The following IFT43 variants were observed in gnomAD, a reference collection of about 807,000 sequenced individuals.
The protein encoded by IFT43 is intraflagellar transport 43, also known as intraflagellar transport protein 43 homolog.
A neutral mutation model predicts 32.3 loss-of-function variants in IFT43; 33 were observed. The observed-to-expected ratio is 1.02, with a 90% CI of 0.77 to 1.37. The LOEUF is 1.37. IFT43 is among the 40% of genes most tolerant of loss of function. IFT43 has a pLI of 0.00. For missense variants in IFT43, 274 were observed against 265.9 expected (o/e 1.03, Z -0.21); for synonymous variants, 93 against 98.2 (o/e 0.95, Z 0.31).
At chr14:76,015,130 A>G (rs147667469) in intron 2 of IFT43, among the ~76,000 whole-genome samples, 50 of 152,174 alleles carry the variant, frequency 3.3e-4, no homozygotes, top group African/African-American at 1.2e-3. Flanking sequence ...GGAAGAGCAT[A>G]TAACTTGGTA....
chr14:75,996,327 A>G (rs2035746977), intron 2 of IFT43, among the ~76,000 whole-genome samples: 1 of 152,210 alleles, frequency 6.6e-6, no homozygotes, highest in African/African-American at 2.4e-5. Flanking sequence ...ACTGTAAGCC[A>G]GTTTCCTCAT....
At chr14:76,049,755 T>A (rs1380579158) in intron 3 of IFT43, among the ~76,000 whole-genome samples, 3 of 151,828 alleles carry the variant, frequency 2.0e-5, no homozygotes, top group African/African-American at 7.3e-5. Flanking sequence ...CTGTGCTGCT[T>A]TTGTACTGCA....
In IFT43 at chr14:75,985,786, G is replaced by C; in HGVS notation, c.-1G>C. 1 of 1,614,232 alleles carries C rather than the reference G, an allele frequency of 6.2e-7. No individual in the cohort carries two copies. ...GGAAGTGACGTCAGGCGGCCGCGGA[G>C]ATGGAGGATTTGCTCGACTTGGACG... On this transcript the variant is annotated 5_prime_UTR_variant, in exon 1 of 9. Coordinates refer to ENST00000314067, the MANE Select transcript of IFT43 (RefSeq NM_001102564.3).
chr14:76,076,737 T>C, intron 5 of IFT43: 1 of 1,610,158 alleles, frequency 6.2e-7, no homozygotes, highest in Non-Finnish European at 8.5e-7. Flanking sequence ...AGGATCCTTC[T>C]GGGACTTTGC....
chr14:76,083,421 CT>C, intron 8 of IFT43, 36 bp from the exon 9 acceptor site: 1 of 1,614,064 alleles, frequency 6.2e-7, no homozygotes, highest in Non-Finnish European at 8.5e-7. Flanking sequence ...GGGAAAAGGC[CT>C]TTCTTTGTCT....
At chr14:76,010,563 T>G (rs2036064276) in intron 2 of IFT43, among the ~76,000 whole-genome samples, 2 of 152,038 alleles carry the variant, frequency 1.3e-5, no homozygotes, top group Non-Finnish European at 2.9e-5. Context: ...TTGCTTAAAT[T>G]ATAATTTATA....
intron 3 of IFT43, among the ~76,000 whole-genome samples, chr14:76,026,072 G>A (rs754033177): frequency 6.6e-6 from 1 of 152,042 alleles, no homozygotes; most frequent in Non-Finnish European, 1.5e-5. Flanking sequence ...GTAGTATCTA[G>A]CATCTATAAA....
chr14:76,027,336 C>T (rs553346144), intron 3 of IFT43, among the ~76,000 whole-genome samples: 751 of 47,686 alleles, frequency 0.016, 2 homozygotes, highest in Non-Finnish European at 0.03. Context: ...CCCCAACACC[C>T]CCCACACACA....
At chr14:76,066,609 G>A (rs1419695298) in intron 5 of IFT43, among the ~76,000 whole-genome samples, 2 of 152,186 alleles carry the variant, frequency 1.3e-5, no homozygotes, top group African/African-American at 2.4e-5. Context: ...GGGGAAACTC[G>A]GGAATGATTT....
chr14:76,054,513 T>G (rs2036973635), intron 3 of IFT43, among the ~76,000 whole-genome samples: 1 of 152,252 alleles, frequency 6.6e-6, no homozygotes, highest in African/African-American at 2.4e-5. Context: ...AGCCCACAGC[T>G]GCAGTGCCCA....
chr14:76,030,487 T>C lies in IFT43; in HGVS notation c.215+8093T>C, dbSNP rs947650944. On this transcript the variant is annotated intron_variant, in intron 3 of 8. Transcript: ENST00000314067. Reference sequence around the variant, plus strand: ...TAGAATTCACGGTCTATATACACACTGCCCATTGCTATTGGATATCTTTGC... The same window carrying C: ...TAGAATTCACGGTCTATATACACACCGCCCATTGCTATTGGATATCTTTGC... 8.5e-5 allele frequency among the ~76,000 whole-genome samples: 13 copies of C among 152,338 alleles called. 1 individual carries two copies. In the Middle Eastern group the frequency reaches 0.014, roughly 159 times the overall value.
chr14:76,043,263 G>A (rs1242117063), intron 3 of IFT43, among the ~76,000 whole-genome samples: 4 of 152,220 alleles, frequency 2.6e-5, no homozygotes, highest in Admixed American at 6.5e-5. Flanking sequence ...AGGAAGGGCC[G>A]GGGCCAGGTG....
At chr14:75,998,561 A>G (rs1031241361) in intron 2 of IFT43, among the ~76,000 whole-genome samples, 1 of 152,232 alleles carries the variant, frequency 6.6e-6, no homozygotes, top group Admixed American at 6.5e-5. Flanking sequence ...AGAGGAGAGG[A>G]GAAACCAAGC....
chr14:76,023,201 C>T (rs1307310596), intron 3 of IFT43, among the ~76,000 whole-genome samples: 4 of 152,192 alleles, frequency 2.6e-5, no homozygotes, highest in Non-Finnish European at 5.9e-5. Flanking sequence ...CCTGGATGGA[C>T]ACATTGATGA....
chr14:76,042,984 G>A (rs966846556), intron 3 of IFT43, among the ~76,000 whole-genome samples: 2 of 152,182 alleles, frequency 1.3e-5, no homozygotes, highest in Non-Finnish European at 2.9e-5. Context: ...TTAGGAGTCA[G>A]GACATCTGCC....
intron 3 of IFT43, among the ~76,000 whole-genome samples, chr14:76,032,211 AG>A (rs1220660937): frequency 6.6e-6 from 1 of 152,156 alleles, no homozygotes; most frequent in East Asian, 1.9e-4. Flanking sequence ...AAACCCTGTT[AG>A]GTCTACTGTT....
chr14:76,077,788 C>G (rs1159708624), intron 5 of IFT43, among the ~76,000 whole-genome samples: 1 of 152,210 alleles, frequency 6.6e-6, no homozygotes, highest in Non-Finnish European at 1.5e-5. Context: ...CGCCTTCAGT[C>G]TCTCCAGTGT....
chr14:76,018,916 G>C (rs529809962), intron 2 of IFT43, among the ~76,000 whole-genome samples: 89 of 152,038 alleles, frequency 5.9e-4, no homozygotes, highest in African/African-American at 1.8e-3. Flanking sequence ...GTCTTTATAA[G>C]TGAAGTAAGT....
rs150258646 is a variant in IFT43, at chr14:76,043,234, A to G, written c.216-15408A>G. 3.7e-4 allele frequency among the ~76,000 whole-genome samples: 57 copies of G among 152,356 alleles called. No individual in the cohort carries two copies. In the East Asian group the frequency reaches 9.6e-3, roughly 26 times the overall value. ...TGAGTTATTATATTACCTTGAAGCA[A>G]AACAGTTGACAAGCATTGAGGAAGG... On this transcript the variant is annotated intron_variant, in intron 3 of 8. Transcript: ENST00000314067.
Sources: allele counts gnomAD v4.1 joint callset (sites outside exome capture counted in the v4.1 genomes callset), GRCh38; gene constraint gnomAD v4.1.1; transcripts MANE v1.5; gene names NCBI Gene and HGNC (gene_info 2026-07-23, HGNC 2026-07-21).